Variants in FANCL observed in about 807,000 individuals in gnomAD.
FANCL encodes E3 ubiquitin-protein ligase FANCL.
Under a neutral mutation model 59.4 loss-of-function variants are expected in FANCL, and 69 were observed. The observed-to-expected ratio is 1.16, with a 90% CI of 0.96 to 1.42. The LOEUF is 1.42. Ranked by LOEUF, FANCL falls within the 40% of genes most tolerant of loss-of-function variation. FANCL has a pLI of 0.00. For missense variants in FANCL, 519 were observed against 447.2 expected (o/e 1.16, Z -1.45); for synonymous variants, 180 against 147.1 (o/e 1.22, Z -1.62).
intron 7 of FANCL, among the ~76,000 whole-genome samples, chr2:58,195,328 A>G (rs140159447): frequency 1.1e-3 from 172 of 152,306 alleles, no homozygotes; most frequent in African/African-American, 3.4e-3. Flanking sequence ...GGTAAATGAT[A>G]TATTTTTTAA....
Position 58,159,399 on chromosome 2 carries a change from T to G in FANCL, c.*366A>C. ...ATCAAGAGTCTCAAGAACCTTTGAATGAAGTAAACAGTTTCCCACAAAAAA... is the reference window on the plus strand; with the variant it reads ...ATCAAGAGTCTCAAGAACCTTTGAAGGAAGTAAACAGTTTCCCACAAAAAA... On this transcript the variant is annotated 3_prime_UTR_variant, in exon 14 of 14. Coordinates refer to ENST00000233741, the MANE Select transcript of FANCL (RefSeq NM_018062.4). 1 of 1,613,214 alleles carries G rather than the reference T, an allele frequency of 6.2e-7. No individual in the cohort carries two copies. The highest frequency in any genetic ancestry group is 8.5e-7 in the Non-Finnish European group (1 of 1,179,604).
chr2:58,223,072 A>T (rs575045198), intron 4 of FANCL, among the ~76,000 whole-genome samples: 1 of 151,894 alleles, frequency 6.6e-6, no homozygotes, highest in African/African-American at 2.4e-5. Flanking sequence ...GATATTACAA[A>T]ACAGCACTTC....
intron 1 of FANCL, among the ~76,000 whole-genome samples, chr2:58,238,726 A>G (rs1694247861): frequency 6.6e-6 from 1 of 152,190 alleles, no homozygotes; most frequent in African/African-American, 2.4e-5. Context: ...AAAATTAGAA[A>G]TCAGCAACAA....
chr2:58,162,258 T>TC (rs1312038898), intron 11 of FANCL, among the ~76,000 whole-genome samples: 1 of 151,938 alleles, frequency 6.6e-6, no homozygotes, highest in Non-Finnish European at 1.5e-5. Flanking sequence ...TGGTATCTAT[T>TC]CAATTTTGAG....
rs1371092703 is a variant in FANCL, at chr2:58,219,201, T to TAC, written c.374+2740_374+2741insGT. ...ATATATATATATATATATATATATA[T>TAC]ATATCCACAATGATGAGGCCTGTCA... is the stretch of plus-strand genomic sequence containing the variant. On this transcript the variant is annotated intron_variant, in intron 5 of 13. Coordinates refer to ENST00000233741, the MANE Select transcript of FANCL (RefSeq NM_018062.4). Among the ~76,000 whole-genome samples, 3 of 105,340 alleles carry TAC rather than the reference T, an allele frequency of 2.8e-5. No individual in the cohort carries two copies. The East Asian group carries it at 8.6e-4, about 30-fold the overall frequency. 69.1% of individuals were successfully genotyped at this position (105,340 alleles called of 152,430 possible).
rs1404460 is a variant in FANCL, at chr2:58,204,033, T to C, written c.471+97A>G. 107,921 of 921,564 alleles carry C rather than the reference T, an allele frequency of 0.12. 7,558 individuals are homozygous for C. Among genetic ancestry groups the C allele is most frequent in the African/African-American group, 0.25 (15,599 of 61,894 alleles). 57.1% of individuals were successfully genotyped at this position (921,564 alleles called of 1,614,324 possible). ...GTTTTAAAGCATGATATATGTATTTTTAGATGTAACTAGCACTTCTTTACA... is the reference window on the plus strand; with the variant it reads ...GTTTTAAAGCATGATATATGTATTTCTAGATGTAACTAGCACTTCTTTACA... On this transcript the variant is annotated intron_variant, in intron 6 of 13. Transcript: ENST00000233741.
chr2:58,209,974 CAGTT>C (rs1277428952), intron 5 of FANCL, among the ~76,000 whole-genome samples: 8 of 152,288 alleles, frequency 5.3e-5, no homozygotes, highest in Admixed American at 2.6e-4. Context: ...TAGTAAAACT[CAGTT>C]AGCTCTTTCC....
chr2:58,159,705 A>G lies in FANCL; in HGVS notation c.*60T>C, dbSNP rs764760346. 6.2e-7 allele frequency: 1 copy of G among 1,612,314 alleles called. No individual in the cohort carries two copies. Among genetic ancestry groups the G allele is most frequent in the Admixed American group, 1.7e-5 (1 of 59,730 alleles). On this transcript the variant is annotated 3_prime_UTR_variant, in exon 14 of 14. Coordinates refer to ENST00000233741, the MANE Select transcript of FANCL (RefSeq NM_018062.4). ...TATTTTTTCTCTGAAGATGATACCAAAATTCCTTTTGATAATTTTTTAAGT... is the reference window on the plus strand; with the variant it reads ...TATTTTTTCTCTGAAGATGATACCAGAATTCCTTTTGATAATTTTTTAAGT...
intron 7 of FANCL, among the ~76,000 whole-genome samples, chr2:58,177,924 C>G (rs1011188120): frequency 2.0e-5 from 3 of 151,990 alleles, no homozygotes; most frequent in African/African-American, 7.2e-5. Context: ...ACTGATCCTA[C>G]AGAAATACAA....
chr2:58,224,034 T>C (rs1241694323), intron 4 of FANCL, among the ~76,000 whole-genome samples: 1 of 151,842 alleles, frequency 6.6e-6, no homozygotes, highest in African/African-American at 2.4e-5. Flanking sequence ...AAAGCTAAAA[T>C]ACAGGATTTC....
intron 5 of FANCL, 64 bp downstream of exon 5, chr2:58,221,878 G>T: frequency 8.5e-7 from 1 of 1,181,764 alleles, no homozygotes. Context: ...GCTAAAACTA[G>T]AAATACATTA....
chr2:58,217,091 G>GA, intron 5 of FANCL, among the ~76,000 whole-genome samples: 1 of 136,714 alleles, frequency 7.3e-6, no homozygotes, highest in South Asian at 2.3e-4. Flanking sequence ...ACAGGACTTT[G>GA]AAAAAAATAC....
chr2:58,203,746 C>T (rs576829263), intron 6 of FANCL, among the ~76,000 whole-genome samples: 3 of 152,088 alleles, frequency 2.0e-5, no homozygotes, highest in East Asian at 3.9e-4. Context: ...ATAAGAACTA[C>T]AAAAGAAATT....
chr2:58,195,666 A>C, intron 7 of FANCL, among the ~76,000 whole-genome samples: 1 of 152,162 alleles, frequency 6.6e-6, no homozygotes, highest in Non-Finnish European at 1.5e-5. Context: ...CTAACAAAAA[A>C]TTAGTATCAA....
At chr2:58,222,749 C>T (rs2103767865) in intron 4 of FANCL, among the ~76,000 whole-genome samples, 1 of 152,072 alleles carries the variant, frequency 6.6e-6, no homozygotes, top group East Asian at 1.9e-4. Flanking sequence ...AGTTACCAAC[C>T]TAGATAGACA....
intron 5 of FANCL, among the ~76,000 whole-genome samples, chr2:58,210,405 A>C (rs1691018343): frequency 6.6e-6 from 1 of 152,106 alleles, no homozygotes; most frequent in South Asian, 2.1e-4. Context: ...TGAGAACAAT[A>C]TGGGGGAAAC....
At chr2:58,217,163 AT>A (rs1253976907) in intron 5 of FANCL, among the ~76,000 whole-genome samples, 23 of 63,664 alleles carry the variant, frequency 3.6e-4, no homozygotes, top group African/African-American at 1.0e-3. Context: ...ATATTTATAT[AT>A]TTTATATATA....
chr2:58,231,157 C>A (rs1403068686), intron 2 of FANCL, among the ~76,000 whole-genome samples: 2 of 152,134 alleles, frequency 1.3e-5, no homozygotes, highest in Non-Finnish European at 2.9e-5. Context: ...CTTTAGTGAC[C>A]AGTCCTTTAA....
At chr2:58,160,990 C>G (rs1004097971) in intron 12 of FANCL, among the ~76,000 whole-genome samples, 8 of 151,960 alleles carry the variant, frequency 5.3e-5, no homozygotes, top group African/African-American at 1.9e-4. Context: ...TGAAAGTAGA[C>G]TTCACATACA....
Sources: gnomAD v4.1 joint callset for allele counts (sites outside exome capture counted in the v4.1 genomes callset) on GRCh38, gnomAD v4.1.1 for gene constraint, MANE v1.5 for transcripts, NCBI Gene and HGNC (gene_info 2026-07-23, HGNC 2026-07-21) for gene names.